Variants in FYN observed in about 807,000 individuals in gnomAD.
FYN encodes the protein FYN proto-oncogene, Src family tyrosine kinase.
FYN carries 10 observed loss-of-function variants against 70.2 expected under a neutral mutation model. The observed-to-expected ratio is 0.14, with a 90% CI of 0.09 to 0.24. The LOEUF (loss-of-function observed/expected upper bound fraction) is 0.24. Among genes scored for constraint, FYN ranks in the 10% least tolerant of loss-of-function variants. The pLI, the probability that FYN is intolerant of heterozygous loss-of-function variation, is 1.00. For synonymous variants in FYN, 236 were observed against 248.6 expected, an observed-to-expected ratio of 0.95 and a Z score of 0.48; for missense variants, 319 against 673.1, an observed-to-expected ratio of 0.47 and a Z score of 5.82.
intron 1 of FYN, among the ~76,000 whole-genome samples, chr6:111,861,897 C>G (rs894196630): frequency 3.3e-5 from 5 of 152,204 alleles, no homozygotes; most frequent in Admixed American, 2.0e-4. Flanking sequence ...ATCATTACTT[C>G]GTAGAGCCTT....
intron 2 of FYN, among the ~76,000 whole-genome samples, chr6:111,807,776 G>A (rs1772195587): frequency 6.6e-6 from 1 of 152,140 alleles, no homozygotes; most frequent in South Asian, 2.1e-4. Context: ...AGCACCCCCA[G>A]GTTTGGGGAC....
chr6:111,673,301 C>T (rs1798378612), intron 13 of FYN, among the ~76,000 whole-genome samples: 1 of 152,088 alleles, frequency 6.6e-6, no homozygotes. Flanking sequence ...GTCACCGCAG[C>T]ATCAATAAAA....
chr6:111,720,063 C>T lies in FYN; in HGVS notation c.-11-1G>A, dbSNP rs780349800. ...TGCACACAGCCCATTATCTAAATTC[C>T]TGCCAAAGACAAAAAAGGGGGCACG... On this transcript the variant is annotated splice_acceptor_variant, in intron 3 of 13. Coordinates refer to ENST00000354650, the MANE Select transcript of FYN (RefSeq NM_002037.5). LOFTEE classifies it low-confidence loss of function (5UTR_SPLICE). 1.1e-4 allele frequency: 168 copies of T among 1,575,802 alleles called. No homozygotes were observed. The highest frequency in any genetic ancestry group is 1.4e-4 in the Non-Finnish European group (161 of 1,156,362).
chr6:111,794,469 G>A (rs1041015519), intron 2 of FYN, among the ~76,000 whole-genome samples: 1 of 152,110 alleles, frequency 6.6e-6, no homozygotes, highest in Non-Finnish European at 1.5e-5. Flanking sequence ...TCAATTCCTC[G>A]AGAGTCTGCA....
chr6:111,786,714 T>C (rs1397589726), intron 2 of FYN, among the ~76,000 whole-genome samples: 1 of 152,210 alleles, frequency 6.6e-6, no homozygotes, highest in African/African-American at 2.4e-5. Flanking sequence ...CTCCACATCC[T>C]CTCCAGCACC....
intron 12 of FYN, among the ~76,000 whole-genome samples, chr6:111,675,822 T>A (rs1053432498): frequency 6.0e-5 from 9 of 150,424 alleles, no homozygotes; most frequent in Admixed American, 2.0e-4. Context: ...TAAAAATAAA[T>A]AAATAAATAA....
intron 12 of FYN, among the ~76,000 whole-genome samples, chr6:111,693,643 G>A (rs758459613): frequency 2.0e-5 from 3 of 152,130 alleles, no homozygotes; most frequent in African/African-American, 4.8e-5. Context: ...GTGGGATGGC[G>A]GGGATGATGA....
intron 2 of FYN, among the ~76,000 whole-genome samples, chr6:111,793,448 G>A (rs942693552): frequency 6.6e-6 from 1 of 152,074 alleles, no homozygotes; most frequent in Non-Finnish European, 1.5e-5. Context: ...GGATAAACGG[G>A]TTTTCCCTCT....
At chr6:111,843,700 C>T (rs1245661430) in intron 2 of FYN, among the ~76,000 whole-genome samples, 1 of 152,122 alleles carries the variant, frequency 6.6e-6, no homozygotes, top group Non-Finnish European at 1.5e-5. Flanking sequence ...CATGCCTGCT[C>T]AATTTTTTAA....
At chr6:111,849,528 A>G (rs530339493) in intron 1 of FYN, among the ~76,000 whole-genome samples, 8 of 152,344 alleles carry the variant, frequency 5.3e-5, no homozygotes, top group African/African-American at 1.4e-4. Context: ...GAGGCCTGAC[A>G]GTGCTGCACA....
intron 2 of FYN, among the ~76,000 whole-genome samples, chr6:111,801,549 G>A (rs1319770984): frequency 6.6e-6 from 1 of 152,188 alleles, no homozygotes; most frequent in Admixed American, 6.5e-5. Flanking sequence ...AAATTCAACA[G>A]AACTTCCGTA....
intron 3 of FYN, among the ~76,000 whole-genome samples, chr6:111,756,017 A>G (rs1374893098): frequency 2.6e-5 from 4 of 152,160 alleles, no homozygotes; most frequent in Non-Finnish European, 5.9e-5. Flanking sequence ...TAAAGGGTAG[A>G]AATTAAAATC....
At chr6:111,842,380 A>G (rs1192995591) in intron 2 of FYN, among the ~76,000 whole-genome samples, 1 of 152,146 alleles carries the variant, frequency 6.6e-6, no homozygotes, top group Non-Finnish European at 1.5e-5. Context: ...CAACCCGCCC[A>G]TGCCCACTCA....
chr6:111,809,517 C>T lies in FYN; in HGVS notation c.-81-28882G>A, dbSNP rs113158324. 3.0e-3 allele frequency among the ~76,000 whole-genome samples: 459 copies of T among 152,330 alleles called. 3 individuals are homozygous for T. The highest frequency in any genetic ancestry group is 0.011 in the African/African-American group (441 of 41,568). On this transcript the variant is annotated intron_variant, in intron 2 of 13. Coordinates refer to ENST00000354650, the MANE Select transcript of FYN (RefSeq NM_002037.5). ...CCTAGGGATACACCAGGTTATTTCACAAACACATGGCAGATGTTAGGTGGC... is the reference window on the plus strand; with the variant it reads ...CCTAGGGATACACCAGGTTATTTCATAAACACATGGCAGATGTTAGGTGGC...
chr6:111,666,848 T>C (rs145971602), intron 13 of FYN, among the ~76,000 whole-genome samples: 30 of 152,022 alleles, frequency 2.0e-4, no homozygotes, highest in Non-Finnish European at 3.5e-4. Flanking sequence ...TGTGTGGGGG[T>C]CTGCCTTCGA....
At chr6:111,666,819 C>T (rs561178097) in intron 13 of FYN, among the ~76,000 whole-genome samples, 29 of 152,230 alleles carry the variant, frequency 1.9e-4, no homozygotes, top group African/African-American at 6.0e-4. Context: ...GGTGACAGAG[C>T]GAGACCTTAC....
chr6:111,849,721 A>G lies in FYN; in HGVS notation c.-122-3092T>C, dbSNP rs192164087. On this transcript the variant is annotated intron_variant, in intron 1 of 13. Transcript: ENST00000354650. ...GGCCGAAAAAGAAAGGCAGCCCCCA[A>G]TAATTCCTGGTGCTGGGCTATGCCT... is the stretch of plus-strand genomic sequence containing the variant. 4.1e-4 allele frequency among the ~76,000 whole-genome samples: 63 copies of G among 152,326 alleles called. 1 individual carries two copies. Among genetic ancestry groups the G allele is most frequent in the African/African-American group, 1.3e-3 (56 of 41,574 alleles).
At chr6:111,836,154 C>T (rs1343043178) in intron 2 of FYN, among the ~76,000 whole-genome samples, 2 of 152,154 alleles carry the variant, frequency 1.3e-5, no homozygotes, top group East Asian at 1.9e-4. Flanking sequence ...GTCTCAGGGA[C>T]CTGGTTGTGA....
intron 3 of FYN, among the ~76,000 whole-genome samples, chr6:111,773,171 G>A (rs1341992366): frequency 1.3e-5 from 2 of 150,298 alleles, no homozygotes; most frequent in South Asian, 2.1e-4. Context: ...TTAGGCAGAG[G>A]ACATAAAGTG....
Sources: allele counts gnomAD v4.1 joint callset (sites outside exome capture counted in the v4.1 genomes callset), GRCh38; gene constraint gnomAD v4.1.1; transcripts MANE v1.5; gene names NCBI Gene and HGNC (gene_info 2026-07-23, HGNC 2026-07-21).